FLNB: variants seen among roughly 807,000 people sequenced by gnomAD.
FLNB encodes the protein filamin B.
FLNB carries 111 observed loss-of-function variants against 250.6 expected under a neutral mutation model. The observed-to-expected ratio is 0.44, with a 90% CI of 0.38 to 0.52. FLNB has a LOEUF of 0.52. FLNB is among the 20% of genes least tolerant of loss of function. The pLI, the probability that FLNB is intolerant of heterozygous loss-of-function variation, is 0.00. For missense variants in FLNB, 2,869 were observed against 3,447.8 expected (o/e 0.83, Z 4.20); for synonymous variants, 1,302 against 1,372.1 (o/e 0.95, Z 1.13).
chr3:58,063,109 G>A (rs2097180841), intron 1 of FLNB, among the ~76,000 whole-genome samples: 1 of 152,164 alleles, frequency 6.6e-6, no homozygotes, highest in Non-Finnish European at 1.5e-5. Context: ...CACACAGCTT[G>A]CCAAGTCGCT....
chr3:58,076,987 A>T lies in FLNB; in HGVS notation c.293-59A>T, dbSNP rs116415095. The T allele has an allele frequency of 2.9e-3, 4,624 of 1,584,864 alleles. 113 individuals carry two copies. In the African/African-American group the frequency reaches 0.053, roughly 18 times the overall value. ...AGACTCCATTTACATTTATATAAGG[A>T]GCATAATTTACACTTGTGTAACCCA... On this transcript the variant is annotated intron_variant, in intron 1 of 45. Coordinates refer to ENST00000295956, the MANE Select transcript of FLNB (RefSeq NM_001457.4).
Position 58,163,310 on chromosome 3 carries a change from G to A in FLNB, c.7178G>A (p.Gly2393Glu), listed in dbSNP as rs1362063173. ...GCCCTGGTGTCCGCCTATGGCACGG[G>A]ACTCGAAGGGGGCACCACAGGTAAC... The part of the protein sequence containing the change: ...NPALVSAYGT[G>E]LEGGTTGIQS... The change falls in exon 43 of 46, where the codon GGA becomes GAA. Residue 2393 changes from glycine to glutamate, a missense_variant. Transcript: ENST00000295956. 6.2e-7 allele frequency: 1 copy of A among 1,614,058 alleles called. No homozygotes were observed. Among genetic ancestry groups the A allele is most frequent in the Non-Finnish European group, 8.5e-7 (1 of 1,180,040 alleles).
intron 1 of FLNB, among the ~76,000 whole-genome samples, chr3:58,042,563 A>G (rs2097147563): frequency 6.6e-6 from 1 of 152,030 alleles, no homozygotes; most frequent in Non-Finnish European, 1.5e-5. Context: ...CACCCAGGCC[A>G]GAATGCAGTA....
At chr3:58,106,232 T>G (rs574241385) in intron 11 of FLNB, among the ~76,000 whole-genome samples, 2 of 151,966 alleles carry the variant, frequency 1.3e-5, no homozygotes, top group Non-Finnish European at 2.9e-5. Flanking sequence ...GATTTGGTGG[T>G]GCTAAGAGTG....
At chr3:58,068,217 G>T (rs576339496) in intron 1 of FLNB, among the ~76,000 whole-genome samples, 2 of 152,386 alleles carry the variant, frequency 1.3e-5, no homozygotes, top group Admixed American at 1.3e-4. Context: ...ATGCCTGGGA[G>T]GGAGAAGGGG....
At chr3:58,107,568 A>G (rs1354039598) in intron 12 of FLNB, among the ~76,000 whole-genome samples, 1 of 152,222 alleles carries the variant, frequency 6.6e-6, no homozygotes, top group Non-Finnish European at 1.5e-5. Context: ...TCCGGGGATC[A>G]TATGTCAGTC....
chr3:58,143,812 G>C (rs1420254067), intron 32 of FLNB, among the ~76,000 whole-genome samples, 199 bp downstream of exon 32: 1 of 152,250 alleles, frequency 6.6e-6, no homozygotes, highest in Non-Finnish European at 1.5e-5. Flanking sequence ...GTAGCTCAGT[G>C]TCTTGGGTCA....
At chr3:58,070,749 T>A (rs1245332144) in intron 1 of FLNB, among the ~76,000 whole-genome samples, 1 of 150,218 alleles carries the variant, frequency 6.7e-6, no homozygotes, top group African/African-American at 2.4e-5. Context: ...AACCTCTGCC[T>A]CCTGGGTTCA....
Position 58,112,293 on chromosome 3 carries a change from C to A in FLNB, c.2720C>A (p.Thr907Lys), listed in dbSNP as rs1278734962. Residue 907 changes from threonine to lysine, a missense_variant, in exon 18 of 46, where the codon ACG becomes AAG. Around this residue, in one of 5 missense-constraint regions of FLNB, gnomAD observed 1,348 missense variants for 1,466.7 expected, o/e 0.92. Transcript: ENST00000295956. ...DIIDNYDYSHTVKYTPTQQGN... is the reference protein window; with the variant it reads ...DIIDNYDYSHKVKYTPTQQGN... ...ATCGATAATTATGACTACTCTCACA[C>A]GGTTAAATATACACCCACCCAACAG... 1.9e-6 allele frequency: 3 copies of A among 1,613,660 alleles called. No individual in the cohort carries two copies. Among genetic ancestry groups the A allele is most frequent in the African/African-American group, 2.7e-5 (2 of 74,920 alleles).
chr3:58,148,102 A>G (rs1355083262), intron 34 of FLNB, 104 bp from the exon 35 acceptor site: 11 of 1,176,074 alleles, frequency 9.4e-6, no homozygotes, highest in Non-Finnish European at 1.3e-5. Context: ...ACTTTGTGTA[A>G]TTAGTTCTTG....
chr3:58,154,881 A>G lies in FLNB; in HGVS notation c.6725A>G (p.Asp2242Gly), dbSNP rs770170754. The change falls in exon 40 of 46, where the codon GAC (aspartate) becomes GGC (glycine). Residue 2242 changes from aspartate (D) to glycine (G), a missense_variant. Physicochemically the swap from Asp to Gly is moderately conservative, Grantham distance 94. Around this residue, in one of 5 missense-constraint regions of FLNB, gnomAD observed 1,084 missense variants for 1,315.5 expected, o/e 0.82. Coordinates refer to ENST00000295956, the MANE Select transcript of FLNB (RefSeq NM_001457.4). Reference sequence around the variant, plus strand: ...AGTAAGGCCGAGATTACATTCGATGACCATAAAAATGGGTCGTGCGGTGTA... The same window carrying G: ...AGTAAGGCCGAGATTACATTCGATGGCCATAAAAATGGGTCGTGCGGTGTA... ...GPSKAEITFDDHKNGSCGVSY... is the reference protein window; with the variant it reads ...GPSKAEITFDGHKNGSCGVSY... 6.2e-6 allele frequency: 10 copies of G among 1,613,998 alleles called. No individual in the cohort carries two copies. The Admixed American group carries it at 1.2e-4, about 19-fold the overall frequency.
rs769668504 is a variant in FLNB, at chr3:58,148,814, T to C, written c.6053T>C (p.Phe2018Ser). 8 of 1,613,710 alleles carry C rather than the reference T, an allele frequency of 5.0e-6. No individual in the cohort carries two copies. Among genetic ancestry groups the C allele is most frequent in the Non-Finnish European group, 6.8e-6 (8 of 1,180,030 alleles). Reference protein sequence around the residue: ...YGRGLSEGRTFEMSDFIVDTR... With the variant: ...YGRGLSEGRTSEMSDFIVDTR... The stretch of plus-strand genomic sequence containing the variant: ...CGCGGCCTGTCAGAAGGCCGGACTT[T>C]CGAGATGTCTGACTTCATCGTGGAC... Residue 2018 changes from phenylalanine to serine, a missense_variant, in exon 36 of 46, where the codon TTC (phenylalanine) becomes TCC (serine). Phe to Ser is a radical substitution (Grantham distance 155). This residue lies in a region of FLNB where 1,084 missense variants were observed against 1,315.5 expected (regional missense o/e 0.82). Coordinates refer to ENST00000295956, the MANE Select transcript of FLNB (RefSeq NM_001457.4).
In FLNB at chr3:58,142,396, G is replaced by A. The variant is rs769341644; in HGVS notation, c.5182-254G>A. On this transcript the variant is annotated intron_variant, in intron 30 of 45. Transcript: ENST00000295956. This position sits in a 1 kb window ranked among gnomAD's most constrained non-coding sequence, Gnocchi z 4.3. Reference sequence around the variant, plus strand: ...CTGTCTCTCACTTTTCCACTTTCCCGTGGGTGCTGCTGGGAATTTTACAAA... The same window carrying A: ...CTGTCTCTCACTTTTCCACTTTCCCATGGGTGCTGCTGGGAATTTTACAAA... 2.6e-5 allele frequency among the ~76,000 whole-genome samples: 4 copies of A among 152,180 alleles called. No individual in the cohort carries two copies. The highest frequency in any genetic ancestry group is 4.4e-5 in the Non-Finnish European group (3 of 68,032).
intron 28 of FLNB, 69 bp from the exon 29 acceptor site, chr3:58,138,213 A>G (rs2097319882): frequency 6.2e-7 from 1 of 1,601,768 alleles, no homozygotes; most frequent in Non-Finnish European, 8.5e-7. Flanking sequence ...ATGGATGGGT[A>G]TGATTTGTTC....
chr3:58,105,203 A>T lies in FLNB; in HGVS notation c.1734A>T (p.Glu578Asp). Reference protein sequence around the residue: ...ADFVVESIGSEVGSLGFAIEG... With the variant: ...ADFVVESIGSDVGSLGFAIEG... ...TCGTGGTAGAATCCATTGGCTCTGA[A>T]GTGGGGTCTCTGGGTAAGTGGACAC... The change falls in exon 11 of 46, where the codon GAA becomes GAT. Residue 578 changes from glutamate (E) to aspartate (D), a missense_variant. Coordinates refer to ENST00000295956, the MANE Select transcript of FLNB (RefSeq NM_001457.4). The T allele has an allele frequency of 6.2e-7, 1 of 1,614,102 alleles. No individual in the cohort carries two copies.
intron 1 of FLNB, among the ~76,000 whole-genome samples, chr3:58,062,955 C>T (rs6445941): frequency 0.14 from 21,641 of 152,128 alleles, 4,946 homozygotes; most frequent in African/African-American, 0.48. Flanking sequence ...TAGTAGCCCC[C>T]GTGAATTTGA....
chr3:58,142,601 C>T lies in FLNB; in HGVS notation c.5182-49C>T. 6.7e-7 allele frequency: 1 copy of T among 1,495,322 alleles called. No homozygotes were observed. Among genetic ancestry groups the T allele is most frequent in the South Asian group, 1.1e-5 (1 of 88,308 alleles). The allele number at this position is 1,495,322 out of a possible 1,614,324, so 92.6% of individuals were successfully genotyped here. Reference sequence around the variant, plus strand: ...GCTCTAACCCCTGTAGCTTCACCAGCTCCCGCTGTTGTCTGCTTTACCCAG... The same window carrying T: ...GCTCTAACCCCTGTAGCTTCACCAGTTCCCGCTGTTGTCTGCTTTACCCAG... On this transcript the variant is annotated intron_variant, in intron 30 of 45. Coordinates refer to ENST00000295956, the MANE Select transcript of FLNB (RefSeq NM_001457.4). The surrounding 1 kb of genome is among the most constrained non-coding windows in gnomAD (Gnocchi z 4.3).
At chr3:58,152,146 A>T (rs2097346149) in intron 38 of FLNB, among the ~76,000 whole-genome samples, 2 of 152,004 alleles carry the variant, frequency 1.3e-5, no homozygotes, top group Admixed American at 1.3e-4. Flanking sequence ...CCATTTTGTT[A>T]TTCTTTTAGT....
At chr3:58,060,796 A>AAAAAG (rs2097177278) in intron 1 of FLNB, among the ~76,000 whole-genome samples, 1 of 84,480 alleles carries the variant, frequency 1.2e-5, no homozygotes, top group Non-Finnish European at 2.1e-5. Flanking sequence ...AAAAAAAAAA[A>AAAAAG]AAAGAAAGAA....
Sources: gnomAD v4.1 joint callset for allele counts (sites outside exome capture counted in the v4.1 genomes callset) on GRCh38, gnomAD v4.1.1 for gene constraint, gnomAD v4.1.1 regional missense constraint, Gnocchi (gnomAD v3.1) non-coding constraint, MANE v1.5 for transcripts, NCBI Gene and HGNC (gene_info 2026-07-23, HGNC 2026-07-21) for gene names.